Variants in TEK observed in about 807,000 individuals in gnomAD.
The protein encoded by TEK is angiopoietin-1 receptor.
A neutral mutation model predicts 131.8 loss-of-function variants in TEK; 43 were observed. The ratio of observed to expected loss-of-function variants is 0.33; its 90% CI spans 0.26 to 0.42. TEK has a LOEUF of 0.42. TEK is among the 10% of genes least tolerant of loss of function. The pLI, the probability that TEK is intolerant of heterozygous loss-of-function variation, is 1.00. For synonymous variants in TEK, 580 were observed against 491.6 expected (o/e 1.18, Z -2.38); for missense variants, 1,162 against 1,384.4 (o/e 0.84, Z 2.55).
intron 12 of TEK, chr9:27,198,266 C>G (rs939217734): frequency 3.1e-5 from 5 of 160,294 alleles, no homozygotes; most frequent in Admixed American, 1.2e-4. Flanking sequence ...ACACAACTAC[C>G]ACTGAAGTCA....
At chr9:27,181,831 C>G (rs1310051666) in intron 7 of TEK, among the ~76,000 whole-genome samples, 1 of 152,084 alleles carries the variant, frequency 6.6e-6, no homozygotes, top group East Asian at 1.9e-4. Context: ...ATTGCTTTTT[C>G]AATCATATAA....
intron 4 of TEK, among the ~76,000 whole-genome samples, chr9:27,170,498 G>A (rs948804379): frequency 9.2e-5 from 14 of 152,166 alleles, no homozygotes; most frequent in African/African-American, 1.7e-4. Context: ...GGTGATGCAT[G>A]CCTGTAGTTC....
At chr9:27,187,549 A>G (rs1360257429) in intron 9 of TEK, among the ~76,000 whole-genome samples, 1 of 152,192 alleles carries the variant, frequency 6.6e-6, no homozygotes, top group Non-Finnish European at 1.5e-5. Flanking sequence ...ATTAACTCAA[A>G]TGTCCATCAA....
chr9:27,191,957 A>G (rs1360943217), intron 10 of TEK: 1 of 455,854 alleles, frequency 2.2e-6, no homozygotes, highest in East Asian at 6.9e-5. Flanking sequence ...GGCTGACTAA[A>G]GCAAATAGGT....
chr9:27,220,724 C>G (rs1201109112), intron 21 of TEK, among the ~76,000 whole-genome samples: 1 of 152,206 alleles, frequency 6.6e-6, no homozygotes. Context: ...AGGGACGGTG[C>G]CATGACGAAT....
At chr9:27,111,118 G>T (rs1438092300) in intron 1 of TEK, among the ~76,000 whole-genome samples, 1 of 152,166 alleles carries the variant, frequency 6.6e-6, no homozygotes, top group Non-Finnish European at 1.5e-5. Flanking sequence ...TACAGGCTTA[G>T]AAGAATTGTC....
chr9:27,190,427 G>C, intron 9 of TEK, 102 bp from the exon 10 acceptor site: 1 of 1,433,284 alleles, frequency 7.0e-7, no homozygotes, highest in South Asian at 1.2e-5. Context: ...AACTTTAAGA[G>C]GACTTTGTTG....
chr9:27,219,561 G>A (rs1458647138), intron 20 of TEK, among the ~76,000 whole-genome samples: 1 of 152,048 alleles, frequency 6.6e-6, no homozygotes, highest in African/African-American at 2.4e-5. Context: ...CCTAGATGAT[G>A]GGTCGATAGG....
At chr9:27,225,582 A>C (rs189321735) in intron 21 of TEK, among the ~76,000 whole-genome samples, 5 of 152,342 alleles carry the variant, frequency 3.3e-5, no homozygotes, top group Admixed American at 3.3e-4. Flanking sequence ...CTTATAAAAA[A>C]TTAACTCGAG....
chr9:27,131,755 C>T (rs1240955130), intron 1 of TEK, among the ~76,000 whole-genome samples: 2 of 148,892 alleles, frequency 1.3e-5, no homozygotes, highest in Admixed American at 6.7e-5. Context: ...TTCAGTGAGC[C>T]ATGATTGCAC....
At chr9:27,219,681 C>T (rs1217693913) in intron 20 of TEK, among the ~76,000 whole-genome samples, 1 of 151,684 alleles carries the variant, frequency 6.6e-6, no homozygotes, top group Non-Finnish European at 1.5e-5. Flanking sequence ...CTGGCCATAA[C>T]TATCATTGAT....
intron 1 of TEK, among the ~76,000 whole-genome samples, chr9:27,118,758 G>C (rs574407705): frequency 6.6e-6 from 1 of 152,296 alleles, no homozygotes; most frequent in South Asian, 2.1e-4. Flanking sequence ...ACTGGTCACA[G>C]AATGTCCCAG....
intron 6 of TEK, among the ~76,000 whole-genome samples, chr9:27,176,299 A>C (rs1467190388): frequency 1.3e-5 from 2 of 152,210 alleles, no homozygotes; most frequent in Non-Finnish European, 2.9e-5. Context: ...GACAATAAAG[A>C]GAACAGGGGA....
intron 2 of TEK, among the ~76,000 whole-genome samples, chr9:27,167,967 A>C (rs1564072146): frequency 6.6e-6 from 1 of 152,144 alleles, no homozygotes; most frequent in Non-Finnish European, 1.5e-5. Context: ...TAATAGGTAC[A>C]GTTTGAGTGT....
intron 1 of TEK, among the ~76,000 whole-genome samples, chr9:27,113,392 C>T (rs959220823): frequency 1.3e-5 from 2 of 152,044 alleles, no homozygotes; most frequent in Non-Finnish European, 2.9e-5. Context: ...AGATCAAGAC[C>T]ATCCTAGCCA....
chr9:27,217,821 G>A lies in TEK; in HGVS notation c.3062+63G>A. ...CTCCCAGAAACATATACATTTGACA[G>A]AGGTTTTAAAAAGATACAGGAATGT... On this transcript the variant is annotated intron_variant, in intron 19 of 22. Coordinates refer to ENST00000380036, the MANE Select transcript of TEK (RefSeq NM_000459.5). 7.6e-6 allele frequency: 11 copies of A among 1,447,564 alleles called. No individual in the cohort carries two copies. In the South Asian group the frequency reaches 1.2e-4, roughly 15 times the overall value. The allele number at this position is 1,447,564 out of a possible 1,614,324, so 89.7% of individuals were successfully genotyped here. A position where few individuals can be genotyped will look rare whatever the true frequency, so the allele number is the denominator to read the frequency against.
intron 9 of TEK, among the ~76,000 whole-genome samples, chr9:27,186,600 T>C (rs1440433118): frequency 6.6e-6 from 1 of 152,210 alleles, no homozygotes; most frequent in East Asian, 1.9e-4. Context: ...GTAGCACACA[T>C]TGTAAGCACA....
chr9:27,158,168 G>A, intron 2 of TEK, 26 bp downstream of exon 2: 1 of 1,613,380 alleles, frequency 6.2e-7, no homozygotes, highest in Non-Finnish European at 8.5e-7. Flanking sequence ...GTTTTGGGCA[G>A]GTGAGGCCCA....
intron 1 of TEK, among the ~76,000 whole-genome samples, chr9:27,135,145 A>C (rs1366262425): frequency 6.6e-6 from 1 of 151,602 alleles, no homozygotes; most frequent in African/African-American, 2.4e-5. Context: ...AATCGCTTGA[A>C]CCCAGGAGGT....
Sources: allele counts gnomAD v4.1 joint callset (sites outside exome capture counted in the v4.1 genomes callset), GRCh38; gene constraint gnomAD v4.1.1; transcripts MANE v1.5; gene names NCBI Gene and HGNC (gene_info 2026-07-23, HGNC 2026-07-21).